TASP1: variants seen among roughly 807,000 people sequenced by gnomAD.
TASP1 encodes the protein threonine aspartase 1.
TASP1 carries 16 observed loss-of-function variants against 56.6 expected under a neutral mutation model. The observed-to-expected ratio is 0.28, with a 90% CI of 0.19 to 0.43. TASP1 has a LOEUF of 0.43. Among genes scored for constraint, TASP1 ranks in the 20% least tolerant of loss-of-function variants. The probability of loss-of-function intolerance (pLI) is 1.00; values close to 1 mark genes in which losing one functional copy is unlikely to be tolerated. For synonymous variants in TASP1, 179 were observed against 184.2 expected (o/e 0.97, Z 0.23); for missense variants, 393 against 511.6 (o/e 0.77, Z 2.24).
At chr20:13,628,255 T>G (rs2048967950) in intron 2 of TASP1, among the ~76,000 whole-genome samples, 1 of 152,220 alleles carries the variant, frequency 6.6e-6, no homozygotes, top group African/African-American at 2.4e-5. Flanking sequence ...GCTTTCCAAC[T>G]AATTGAAGCT....
chr20:13,211,726 T>C, the TASP1 span, among the ~76,000 whole-genome samples: 1 of 152,198 alleles, frequency 6.6e-6, no homozygotes, highest in African/African-American at 2.4e-5. Flanking sequence ...TCATTGGCAC[T>C]ATGGTAAGAG....
chr20:13,545,541 C>G (rs1231974618), intron 8 of TASP1, among the ~76,000 whole-genome samples: 1 of 152,210 alleles, frequency 6.6e-6, no homozygotes, highest in African/African-American at 2.4e-5. Context: ...TTGCTAAATT[C>G]TGCAGACAGT....
At chr20:13,529,923 G>C (rs2045152030) in intron 9 of TASP1, among the ~76,000 whole-genome samples, 1 of 152,162 alleles carries the variant, frequency 6.6e-6, no homozygotes, top group African/African-American at 2.4e-5. Flanking sequence ...CCTCATGTGG[G>C]AACACATTCT....
chr20:13,453,910 G>C (rs976130270), intron 11 of TASP1, among the ~76,000 whole-genome samples: 1 of 152,054 alleles, frequency 6.6e-6, no homozygotes, highest in African/African-American at 2.4e-5. Context: ...TGGTCTTTCA[G>C]AGCAGGTGGT....
the TASP1 span, chr20:13,279,803 C>T: frequency 2.5e-6 from 4 of 1,614,010 alleles, no homozygotes; most frequent in Admixed American, 3.3e-5. Flanking sequence ...TACGACAGTA[C>T]CTCAGACGAC....
the TASP1 span, chr20:13,168,279 G>A: frequency 1.3e-5 from 2 of 151,682 alleles, no homozygotes; most frequent in African/African-American, 2.4e-5. Context: ...CACCTCCCGG[G>A]TTCAAGCGAT....
intron 10 of TASP1, among the ~76,000 whole-genome samples, chr20:13,524,072 C>A (rs1490285315): frequency 6.6e-6 from 1 of 152,040 alleles, no homozygotes; most frequent in East Asian, 1.9e-4. Context: ...TCACTTGAGC[C>A]CAGGAGTCCA....
intron 5 of TASP1, among the ~76,000 whole-genome samples, chr20:13,586,254 C>T (rs192941204): frequency 1.4e-3 from 212 of 150,136 alleles, no homozygotes; most frequent in Admixed American, 6.6e-3. Context: ...AAGCTTTACT[C>T]AAAAAAGTAA....
the TASP1 span, among the ~76,000 whole-genome samples, chr20:13,117,171 A>T: frequency 1.3e-5 from 2 of 152,382 alleles, no homozygotes; most frequent in Non-Finnish European, 2.9e-5. Context: ...ATTCTAGCAG[A>T]ATATCTAGAA....
the TASP1 span, among the ~76,000 whole-genome samples, chr20:13,204,284 G>A: frequency 6.6e-6 from 1 of 152,074 alleles, no homozygotes; most frequent in East Asian, 1.9e-4. Flanking sequence ...GGGCTGAGTT[G>A]TTCTGCCTGT....
intron 6 of TASP1, among the ~76,000 whole-genome samples, chr20:13,575,706 C>T (rs1198669853): frequency 1.3e-5 from 2 of 152,026 alleles, no homozygotes; most frequent in African/African-American, 4.8e-5. Context: ...TGTGATTAAC[C>T]TACAGCAATC....
chr20:13,284,680 C>T, the TASP1 span, among the ~76,000 whole-genome samples: 115 of 152,240 alleles, frequency 7.6e-4, no homozygotes, highest in Non-Finnish European at 1.4e-3. Flanking sequence ...GATGGGGGCC[C>T]GTGTGCTGTG....
At chr20:13,332,750 G>A in the TASP1 span, among the ~76,000 whole-genome samples, 1 of 152,180 alleles carries the variant, frequency 6.6e-6, no homozygotes, top group Admixed American at 6.5e-5. Context: ...ATATGTGGTT[G>A]GCTAACATAG....
intron 7 of TASP1, among the ~76,000 whole-genome samples, chr20:13,562,972 GTA>G (rs2046397186): frequency 7.6e-6 from 1 of 132,386 alleles, no homozygotes; most frequent in Non-Finnish European, 1.6e-5. Context: ...ACGTGCGTAT[GTA>G]TGTGTGTGTA....
chr20:13,288,576 C>T, the TASP1 span: 1 of 1,613,988 alleles, frequency 6.2e-7, no homozygotes. Context: ...AGTCTCTGGT[C>T]TGTCTGCAGC....
the TASP1 span, among the ~76,000 whole-genome samples, chr20:13,125,728 T>C: frequency 3.9e-5 from 6 of 152,164 alleles, no homozygotes; most frequent in African/African-American, 1.4e-4. Context: ...CTTATTCACA[T>C]AGCAGCTGGA....
chr20:13,479,885 C>T (rs1197443293), intron 11 of TASP1, among the ~76,000 whole-genome samples: 1 of 152,108 alleles, frequency 6.6e-6, no homozygotes, highest in African/African-American at 2.4e-5. Flanking sequence ...TAGAAACCAT[C>T]CGTATTTGCC....
chr20:13,489,920 T>G (rs117043913), intron 10 of TASP1, among the ~76,000 whole-genome samples: 1,678 of 152,322 alleles, frequency 0.011, 12 homozygotes, highest in Non-Finnish European at 0.019. Flanking sequence ...CTTTATTCAT[T>G]CATCTGTCAA....
the TASP1 span, among the ~76,000 whole-genome samples, chr20:13,324,240 G>A: frequency 6.6e-6 from 1 of 152,188 alleles, no homozygotes; most frequent in Non-Finnish European, 1.5e-5. Flanking sequence ...GACTTTCACA[G>A]CCCCACCTCA....
Sources: gnomAD v4.1 joint callset for allele counts (sites outside exome capture counted in the v4.1 genomes callset) on GRCh38, gnomAD v4.1.1 for gene constraint, MANE v1.5 for transcripts, NCBI Gene and HGNC (gene_info 2026-07-23, HGNC 2026-07-21) for gene names.